Variants in EMILIN2 observed in about 807,000 individuals in gnomAD.
EMILIN2 encodes EMILIN-2.
EMILIN2 carries 71 observed loss-of-function variants against 87.1 expected under a neutral mutation model. The ratio of observed to expected loss-of-function variants is 0.82; its 90% CI spans 0.67 to 0.99. The LOEUF (loss-of-function observed/expected upper bound fraction) is 0.99, where lower values mean the gene tolerates loss of function less well. Ranked by LOEUF, EMILIN2 falls within the 50% of genes least tolerant of loss-of-function variation. The pLI is 0.00. For missense variants in EMILIN2, 1,407 were observed against 1,371.8 expected, an observed-to-expected ratio of 1.03 and a Z score of -0.40; for synonymous variants, 581 against 563.4, an observed-to-expected ratio of 1.03 and a Z score of -0.44.
chr18:2,851,411 G>A (rs572535922), intron 2 of EMILIN2, among the ~76,000 whole-genome samples: 2 of 152,270 alleles, frequency 1.3e-5, no homozygotes, highest in South Asian at 4.2e-4. Flanking sequence ...CTCCAGCCTG[G>A]GTGATAGAGT....
At position 2,847,522 on chromosome 18, in the gene EMILIN2, G is replaced by C. The variant is rs1327865830; in HGVS notation, c.134+200G>C. Among the ~76,000 whole-genome samples the C allele has an allele frequency of 6.6e-6, 1 of 152,214 alleles. No individual in the cohort carries two copies. Among genetic ancestry groups the C allele is most frequent in the Non-Finnish European group, 1.5e-5 (1 of 68,028 alleles). On this transcript the variant is annotated intron_variant, in intron 1 of 7. Coordinates refer to ENST00000254528, the MANE Select transcript of EMILIN2 (RefSeq NM_032048.3). This position sits in a 1 kb window ranked among gnomAD's most constrained non-coding sequence, Gnocchi z 4.5. Reference sequence around the variant, plus strand: ...AGCTGACTCCGGGGGCGTGGGCGCAGAGAGCGTCCCGCAGACCCGGGCGAT... The same window carrying C: ...AGCTGACTCCGGGGGCGTGGGCGCACAGAGCGTCCCGCAGACCCGGGCGAT...
At chr18:2,887,826 A>G (rs567919798) in intron 3 of EMILIN2, among the ~76,000 whole-genome samples, 11 of 152,284 alleles carry the variant, frequency 7.2e-5, no homozygotes, top group Admixed American at 5.9e-4. Flanking sequence ...TATTTTAGAG[A>G]CAGGGTCTTG....
At chr18:2,886,410 G>A (rs1308536832) in intron 3 of EMILIN2, among the ~76,000 whole-genome samples, 2 of 152,092 alleles carry the variant, frequency 1.3e-5, no homozygotes, top group Non-Finnish European at 2.9e-5. Context: ...GCTTTATAAG[G>A]ACTAATAGGA....
chr18:2,912,019 C>T (rs1412779901), intron 7 of EMILIN2, among the ~76,000 whole-genome samples: 9 of 144,774 alleles, frequency 6.2e-5, no homozygotes, highest in African/African-American at 2.3e-4. Flanking sequence ...AAGGCTTGGG[C>T]TCCTGACAAC....
intron 6 of EMILIN2, 34 bp from the exon 7 acceptor site, chr18:2,909,657 C>T (rs199902656): frequency 7.3e-5 from 117 of 1,609,240 alleles, no homozygotes; most frequent in Non-Finnish European, 8.9e-5. Context: ...CAGAAGCACC[C>T]GGGTCAATCC....
intron 5 of EMILIN2, among the ~76,000 whole-genome samples, 163 bp downstream of exon 5, chr18:2,907,248 T>C (rs2076919071): frequency 6.6e-6 from 1 of 152,208 alleles, no homozygotes; most frequent in Non-Finnish European, 1.5e-5. Context: ...GGACCGCTCA[T>C]GCTAGTCCAG....
At chr18:2,858,583 G>GTGTGTATA (rs1180735843) in intron 2 of EMILIN2, among the ~76,000 whole-genome samples, 25 of 63,016 alleles carry the variant, frequency 4.0e-4, no homozygotes, top group African/African-American at 2.2e-3. Flanking sequence ...GTGTGTGTGT[G>GTGTGTATA]TATATATATA....
chr18:2,878,432 G>A (rs1280163429), intron 2 of EMILIN2, among the ~76,000 whole-genome samples: 1 of 152,018 alleles, frequency 6.6e-6, no homozygotes, highest in East Asian at 1.9e-4. Flanking sequence ...GGAGGTTGCA[G>A]TGAGCCGAGA....
intron 3 of EMILIN2, among the ~76,000 whole-genome samples, chr18:2,888,806 C>G (rs756871223): frequency 9.8e-4 from 148 of 150,854 alleles, no homozygotes; most frequent in Middle Eastern, 3.6e-3. Context: ...AAGAATGATT[C>G]TTGGGGATTT....
At chr18:2,884,933 T>G (rs1598496277) in intron 2 of EMILIN2, 31 bp from the exon 3 acceptor site, 1 of 1,550,878 alleles carries the variant, frequency 6.4e-7, no homozygotes, top group Non-Finnish European at 8.7e-7. Flanking sequence ...CGGCAGCCAG[T>G]AAAGAGAGAT....
intron 4 of EMILIN2, among the ~76,000 whole-genome samples, chr18:2,897,027 A>G (rs2076866986): frequency 6.6e-6 from 1 of 152,252 alleles, no homozygotes; most frequent in Non-Finnish European, 1.5e-5. Context: ...CAGAGGGAAC[A>G]GCATTCTCAA....
At chr18:2,912,941 G>C in intron 7 of EMILIN2, 126 bp from the exon 8 acceptor site, 1 of 998,638 alleles carries the variant, frequency 1.0e-6, no homozygotes, top group Non-Finnish European at 1.5e-6. Flanking sequence ...CAGGCAGCCA[G>C]CTACCATGGG....
In EMILIN2 at chr18:2,847,271, G is replaced by GCCA; in HGVS notation, c.85_87dup (p.His29dup). 1 of 1,317,768 alleles carries GCCA rather than the reference G, an allele frequency of 7.6e-7. No homozygotes were observed. 81.6% of individuals were successfully genotyped at this position (1,317,768 alleles called of 1,614,324 possible). A position where few individuals can be genotyped will look rare whatever the true frequency, so the allele number is the denominator to read the frequency against. ...CTGGCCCTGGTTGGCGCGGGGCTGT[G>GCCA]CCACGCCGGCCCGCAGCCCGGGTAT... On this transcript the variant is annotated inframe_insertion, in exon 1 of 8. Transcript: ENST00000254528. The surrounding 1 kb of genome is among the most constrained non-coding windows in gnomAD (Gnocchi z 4.5).
At chr18:2,871,223 G>T (rs2076718179) in intron 2 of EMILIN2, among the ~76,000 whole-genome samples, 1 of 152,118 alleles carries the variant, frequency 6.6e-6, no homozygotes, top group Non-Finnish European at 1.5e-5. Context: ...TTTCATTGGG[G>T]ACATCATCAA....
At chr18:2,857,676 T>C (rs945552142) in intron 2 of EMILIN2, among the ~76,000 whole-genome samples, 5 of 152,162 alleles carry the variant, frequency 3.3e-5, no homozygotes, top group Admixed American at 1.3e-4. Flanking sequence ...CCTTTAGCCT[T>C]TGAATGAAGG....
chr18:2,891,095 A>G lies in EMILIN2; in HGVS notation c.968A>G (p.Asp323Gly). The G allele has an allele frequency of 5.0e-6, 8 of 1,614,186 alleles. No homozygotes were observed. Among genetic ancestry groups the G allele is most frequent in the Non-Finnish European group, 6.8e-6 (8 of 1,180,044 alleles). Residue 323 changes from aspartate (D) to glycine (G), a missense_variant, in exon 4 of 8, where the codon GAC (aspartate) becomes GGC (glycine). Coordinates refer to ENST00000254528, the MANE Select transcript of EMILIN2 (RefSeq NM_032048.3). This position sits in a 1 kb window ranked among gnomAD's most constrained non-coding sequence, Gnocchi z 4.6. ...CAAGCCTATGTGGACAGTAAGATCG[A>G]CGCCCTGAGAGAGGAGCTCATGGAG... ...LYQAYVDSKIDALREELMEGM... is the reference protein window; with the variant it reads ...LYQAYVDSKIGALREELMEGM...
chr18:2,853,451 C>A (rs1196908973), intron 2 of EMILIN2, among the ~76,000 whole-genome samples: 1 of 152,020 alleles, frequency 6.6e-6, no homozygotes, highest in East Asian at 1.9e-4. Flanking sequence ...TATGTGGAGA[C>A]ATGGAATCGG....
chr18:2,860,382 C>G (rs1268680534), intron 2 of EMILIN2, among the ~76,000 whole-genome samples: 3 of 152,122 alleles, frequency 2.0e-5, no homozygotes, highest in Non-Finnish European at 4.4e-5. Context: ...TGCTATCCCT[C>G]CCACTTCCCC....
intron 2 of EMILIN2, among the ~76,000 whole-genome samples, chr18:2,854,769 G>A (rs2076618823): frequency 6.6e-6 from 1 of 152,118 alleles, no homozygotes; most frequent in African/African-American, 2.4e-5. Flanking sequence ...ACTGAGGCGT[G>A]GATGACAGAG....
Sources: gnomAD v4.1 joint callset for allele counts (sites outside exome capture counted in the v4.1 genomes callset) on GRCh38, gnomAD v4.1.1 for gene constraint, Gnocchi (gnomAD v3.1) non-coding constraint, MANE v1.5 for transcripts, NCBI Gene and HGNC (gene_info 2026-07-23, HGNC 2026-07-21) for gene names.